The following KIAA0586 variants were observed in gnomAD, a reference collection of about 807,000 sequenced individuals.
KIAA0586 encodes KIAA0586.
Under a neutral mutation model 169.8 loss-of-function variants are expected in KIAA0586, and 144 were observed. That is an observed-to-expected ratio of 0.85 (90% CI 0.74 to 0.97). The LOEUF (loss-of-function observed/expected upper bound fraction) is 0.97. Among genes scored for constraint, KIAA0586 ranks in the 50% least tolerant of loss-of-function variants. KIAA0586 has a pLI of 0.00. For synonymous variants in KIAA0586, 625 were observed against 612.4 expected (o/e 1.02, Z -0.30); for missense variants, 1,854 against 1,823.0 (o/e 1.02, Z -0.31).
chr14:58,476,552 G>A (rs2041639062), intron 19 of KIAA0586, among the ~76,000 whole-genome samples: 2 of 151,814 alleles, frequency 1.3e-5, no homozygotes, highest in Admixed American at 1.3e-4. Flanking sequence ...CTTATTTTGA[G>A]TTTAGGAGTT....
chr14:58,463,775 A>G (rs530319008), intron 14 of KIAA0586, among the ~76,000 whole-genome samples: 8 of 152,034 alleles, frequency 5.3e-5, no homozygotes, highest in African/African-American at 1.9e-4. Context: ...GCAGTGAGCT[A>G]TGATAGTGCC....
At chr14:58,430,085 G>A (rs2037234129) in intron 2 of KIAA0586, among the ~76,000 whole-genome samples, 1 of 151,800 alleles carries the variant, frequency 6.6e-6, no homozygotes, top group South Asian at 2.1e-4. Flanking sequence ...TTTGTCAAAA[G>A]CTCACAATAA....
intron 3 of KIAA0586, 80 bp downstream of exon 3, chr14:58,430,797 C>A: frequency 1.3e-6 from 1 of 747,186 alleles, no homozygotes; most frequent in Middle Eastern, 3.8e-4. Context: ...ATGTACAGTT[C>A]TGTGACAGTA....
At position 58,477,175 on chromosome 14, in the gene KIAA0586, C is replaced by T; in HGVS notation, c.2878C>T (p.Gln960Ter). 1 of 1,585,088 alleles carries T rather than the reference C, an allele frequency of 6.3e-7. No homozygotes were observed. The change falls in exon 20 of 31, where the codon CAA (glutamine) becomes TAA (stop). Residue 960 changes from glutamine (Q) to a stop codon, truncating the protein, a stop_gained. Coordinates refer to ENST00000652326, the MANE Select transcript of KIAA0586 (RefSeq NM_001329943.3). LOFTEE classifies it high-confidence loss of function. Reference protein sequence around the residue: ...RIISGLFPVQQQIAPSISVSV... With the variant: ...RIISGLFPVQ ...TATCTCTGGGCTCTTTCCAGTCCAG[C>T]AACAGATTGCACCTAGTATCAGTGT...
chr14:58,451,014 A>C (rs1374384747), intron 8 of KIAA0586, among the ~76,000 whole-genome samples: 1 of 120,010 alleles, frequency 8.3e-6, no homozygotes, highest in Non-Finnish European at 1.6e-5. Flanking sequence ...TCTGAGACGG[A>C]GTCTCGCTCT....
At chr14:58,496,507 T>C (rs2043166706) in intron 26 of KIAA0586, among the ~76,000 whole-genome samples, 1 of 152,196 alleles carries the variant, frequency 6.6e-6, no homozygotes, top group South Asian at 2.1e-4. Flanking sequence ...CCCAAGAGTC[T>C]CCAAGGGATT....
intron 6 of KIAA0586, among the ~76,000 whole-genome samples, chr14:58,446,659 A>C (rs2038931801): frequency 1.3e-5 from 2 of 152,120 alleles, no homozygotes; most frequent in African/African-American, 4.8e-5. Flanking sequence ...TATCATCATA[A>C]AGTAGACATT....
intron 27 of KIAA0586, among the ~76,000 whole-genome samples, chr14:58,502,866 A>G (rs184779118): frequency 2.6e-5 from 4 of 152,206 alleles, no homozygotes; most frequent in Non-Finnish European, 5.9e-5. Flanking sequence ...AGAATCAACT[A>G]TATATGCTAG....
intron 29 of KIAA0586, among the ~76,000 whole-genome samples, chr14:58,523,092 C>T (rs1477478588): frequency 2.0e-5 from 3 of 151,722 alleles, no homozygotes; most frequent in Non-Finnish European, 4.4e-5. Flanking sequence ...GACAAATGTG[C>T]GTAACTAAGG....
intron 27 of KIAA0586, among the ~76,000 whole-genome samples, chr14:58,502,489 G>A (rs1407734964): frequency 1.3e-5 from 2 of 152,096 alleles, no homozygotes; most frequent in East Asian, 1.9e-4. Flanking sequence ...CATCACTTCT[G>A]TCATATTCCA....
downstream of KIAA0586, chr14:58,551,367 T>C (rs528148132): frequency 6.6e-6 from 1 of 152,348 alleles, no homozygotes; most frequent in South Asian, 2.1e-4. Context: ...AACATATATC[T>C]TAAGATCTTT....
intron 4 of KIAA0586, chr14:58,440,978 A>G (rs2038296006): frequency 5.8e-6 from 1 of 172,100 alleles, no homozygotes; most frequent in South Asian, 1.3e-4. Flanking sequence ...AATTGCTAAG[A>G]CAGTAGATCT....
chr14:58,463,052 G>A (rs1204680663), intron 14 of KIAA0586, among the ~76,000 whole-genome samples: 1 of 152,056 alleles, frequency 6.6e-6, no homozygotes, highest in Non-Finnish European at 1.5e-5. Context: ...AGAACCTAAG[G>A]ACTTATGCTT....
chr14:58,462,127 AGT>A (rs1187242866), intron 14 of KIAA0586, among the ~76,000 whole-genome samples: 9 of 152,330 alleles, frequency 5.9e-5, no homozygotes, highest in African/African-American at 2.2e-4. Context: ...AATCATATAC[AGT>A]GTCAGGTTAT....
At chr14:58,521,272 G>A (rs1272227221) in intron 29 of KIAA0586, 23 of 1,140,624 alleles carry the variant, frequency 2.0e-5, no homozygotes, top group Admixed American at 3.5e-5. Flanking sequence ...ATGAACTCCC[G>A]TGTGTTCATT....
chr14:58,480,268 C>T (rs893685561), intron 20 of KIAA0586, among the ~76,000 whole-genome samples: 1 of 151,184 alleles, frequency 6.6e-6, no homozygotes, highest in Non-Finnish European at 1.5e-5. Flanking sequence ...AGCATAGGCA[C>T]TATTGACCAT....
the KIAA0586 span, among the ~76,000 whole-genome samples, chr14:58,557,474 C>T: frequency 6.6e-6 from 1 of 152,228 alleles, no homozygotes; most frequent in Non-Finnish European, 1.5e-5. Flanking sequence ...AAAGCTGGTG[C>T]AGCAGTAAGC....
chr14:58,493,850 GAA>G (rs907485672), intron 26 of KIAA0586, among the ~76,000 whole-genome samples: 1 of 152,006 alleles, frequency 6.6e-6, no homozygotes, highest in African/African-American at 2.4e-5. Context: ...AGGAGAGAGA[GAA>G]AGCGCATGTG....
At chr14:58,508,127 G>C (rs1207255134) in intron 27 of KIAA0586, among the ~76,000 whole-genome samples, 1 of 152,106 alleles carries the variant, frequency 6.6e-6, no homozygotes, top group Non-Finnish European at 1.5e-5. Flanking sequence ...ATCACTTGAA[G>C]AACAAAATCT....
Sources: gnomAD v4.1 joint callset for allele counts (sites outside exome capture counted in the v4.1 genomes callset) on GRCh38, gnomAD v4.1.1 for gene constraint, MANE v1.5 for transcripts, NCBI Gene and HGNC (gene_info 2026-07-23, HGNC 2026-07-21) for gene names.